BCAT2: variants seen among roughly 807,000 people sequenced by gnomAD.
BCAT2 encodes branched chain amino acid transaminase 2.
A neutral mutation model predicts 52.9 loss-of-function variants in BCAT2; 44 were observed. The ratio of observed to expected loss-of-function variants is 0.83; its 90% CI spans 0.65 to 1.07. The LOEUF is 1.07. Ranked by LOEUF, BCAT2 falls within the 50% of genes least tolerant of loss-of-function variation. The probability of loss-of-function intolerance (pLI) is 0.00; values close to 1 mark genes in which losing one functional copy is unlikely to be tolerated. For synonymous variants in BCAT2, 215 were observed against 217.1 expected (o/e 0.99, Z 0.08); for missense variants, 478 against 521.8 (o/e 0.92, Z 0.82).
At chr19:48,798,408 C>T (rs572707645) in intron 6 of BCAT2, among the ~76,000 whole-genome samples, 2 of 152,196 alleles carry the variant, frequency 1.3e-5, no homozygotes, top group African/African-American at 4.8e-5. Flanking sequence ...AGCCTCCTTC[C>T]GGCATTCCAG....
intron 2 of BCAT2, 122 bp downstream of exon 2, chr19:48,806,878 G>A (rs939570179): frequency 2.8e-5 from 39 of 1,403,654 alleles, no homozygotes; most frequent in Non-Finnish European, 3.5e-5. Context: ...CGGCCCAATG[G>A]CAGGCTGTTA....
In BCAT2 at chr19:48,796,651, C is replaced by G. The variant is rs374377249; in HGVS notation, c.992G>C (p.Arg331Pro). The G allele has an allele frequency of 3.5e-5, 56 of 1,613,710 alleles. No individual in the cohort carries two copies. The highest frequency in any genetic ancestry group is 4.3e-5 in the Non-Finnish European group (51 of 1,180,018). The change falls in exon 9 of 11, where the codon CGC becomes CCC. Residue 331 changes from arginine to proline, a missense_variant. Coordinates refer to ENST00000316273, the MANE Select transcript of BCAT2 (RefSeq NM_001190.4). The stretch of plus-strand genomic sequence containing the variant: ...GCCCGAGCCAAAGACTTCCCGCACG[C>G]GGCCCTCCTCCAGGGCCCGCAGCAA... ...KQLLRALEEGRVREVFGSGTA... is the reference protein window; with the variant it reads ...KQLLRALEEGPVREVFGSGTA...
At chr19:48,810,040 A>G (rs1354198802) in intron 1 of BCAT2, among the ~76,000 whole-genome samples, 1 of 152,162 alleles carries the variant, frequency 6.6e-6, no homozygotes, top group African/African-American at 2.4e-5. Context: ...GGTCCACATC[A>G]GTCCCAAGTG....
chr19:48,807,643 C>G lies in BCAT2; in HGVS notation c.25-569G>C, dbSNP rs2034821175. The G allele has an allele frequency of 1.1e-6, 1 of 873,524 alleles. No individual in the cohort carries two copies. The highest frequency in any genetic ancestry group is 1.2e-4 in the East Asian group (1 of 8,320). The allele number at this position is 873,524 out of a possible 1,614,324, so 54.1% of individuals were successfully genotyped here. A position where few individuals can be genotyped will look rare whatever the true frequency, so the allele number is the denominator to read the frequency against. ...TCCCTTACATCCAGGAGTACAGGCC[C>G]CACCCCTCCTCCCTCAGACCCAGGA... is the stretch of plus-strand genomic sequence containing the variant. On this transcript the variant is annotated intron_variant, in intron 1 of 10. Transcript: ENST00000316273. This position sits in a 1 kb window ranked among gnomAD's most constrained non-coding sequence, Gnocchi z 4.6.
At chr19:48,802,441 CTTTTT>C (rs35775607) in intron 3 of BCAT2, among the ~76,000 whole-genome samples, 5 of 87,032 alleles carry the variant, frequency 5.7e-5, no homozygotes, top group African/African-American at 1.4e-4. Context: ...TACTGGATTC[CTTTTT>C]TTTTTTTTTT....
Position 48,795,386 on chromosome 19 carries a change from G to C in BCAT2, c.*40C>G. Reference sequence around the variant, plus strand: ...AGGGAGGCGAGTGCTGGCGTGACGAGATGCTACGGGTCGGTGGATCTGGAG... The same window carrying C: ...AGGGAGGCGAGTGCTGGCGTGACGACATGCTACGGGTCGGTGGATCTGGAG... On this transcript the variant is annotated 3_prime_UTR_variant, in exon 11 of 11. Coordinates refer to ENST00000316273, the MANE Select transcript of BCAT2 (RefSeq NM_001190.4). 6.2e-7 allele frequency: 1 copy of C among 1,613,446 alleles called. No homozygotes were observed. Among genetic ancestry groups the C allele is most frequent in the Non-Finnish European group, 8.5e-7 (1 of 1,179,670 alleles).
At chr19:48,808,379 A>C in intron 1 of BCAT2, 18 of 491,798 alleles carry the variant, frequency 3.7e-5, no homozygotes, top group Non-Finnish European at 4.7e-5. Context: ...AAAAAGAAAC[A>C]CAGAAAGGGG....
chr19:48,795,603 C>T (rs758992879), intron 10 of BCAT2, 139 bp from the exon 11 acceptor site: 2 of 951,336 alleles, frequency 2.1e-6, no homozygotes, highest in South Asian at 1.5e-5. Context: ...CCAGAGGGCC[C>T]CAACAATGAT....
chr19:48,807,084 G>A lies in BCAT2; in HGVS notation c.25-10C>T. Reference sequence around the variant, plus strand: ...GCTTTCGTGCCCAGATCTGGGTGGAGAAAGAAGTGAGAGAGGGGGTGAGTG... The same window carrying A: ...GCTTTCGTGCCCAGATCTGGGTGGAAAAAGAAGTGAGAGAGGGGGTGAGTG... On this transcript the variant is annotated splice_polypyrimidine_tract_variant and intron_variant, in intron 1 of 10. Coordinates refer to ENST00000316273, the MANE Select transcript of BCAT2 (RefSeq NM_001190.4). This position sits in a 1 kb window ranked among gnomAD's most constrained non-coding sequence, Gnocchi z 4.6. 1 of 1,611,290 alleles carries A rather than the reference G, an allele frequency of 6.2e-7. No homozygotes were observed. Among genetic ancestry groups the A allele is most frequent in the Non-Finnish European group, 8.5e-7 (1 of 1,178,206 alleles).
chr19:48,807,318 G>A lies in BCAT2; in HGVS notation c.25-244C>T, dbSNP rs765131662. ...CCTCCATGCTGCGGCAAAGTCAAAC[G>A]CAAGCGCCTCCCACCCCAGAGACCT... On this transcript the variant is annotated intron_variant, in intron 1 of 10. Transcript: ENST00000316273. The surrounding 1 kb of genome is among the most constrained non-coding windows in gnomAD (Gnocchi z 4.6). 6.9e-6 allele frequency: 3 copies of A among 433,986 alleles called. No homozygotes were observed. The highest frequency in any genetic ancestry group is 1.2e-5 in the Non-Finnish European group (3 of 240,554). 26.9% of individuals were successfully genotyped at this position (433,986 alleles called of 1,614,324 possible).
Position 48,806,669 on chromosome 19 carries a change from C to T in BCAT2, c.148G>A (p.Gly50Ser). Residue 50 changes from glycine (G) to serine (S), a missense_variant, in exon 3 of 11, where the codon GGC (glycine) becomes AGC (serine). Gly to Ser is a moderately conservative substitution (Grantham distance 56). Transcript: ENST00000316273. Reference sequence around the variant, plus strand: ...CCAAACACCAGGGGCTCGCCGGGGCCAGGCTTCTTATGAGGCTTCTGTGTC... The same window carrying T: ...CCAAACACCAGGGGCTCGCCGGGGCTAGGCTTCTTATGAGGCTTCTGTGTC... ...EMTQKPHKKPGPGEPLVFGKT... is the reference protein window; with the variant it reads ...EMTQKPHKKPSPGEPLVFGKT... 1 of 1,614,070 alleles carries T rather than the reference C, an allele frequency of 6.2e-7. No homozygotes were observed. Among genetic ancestry groups the T allele is most frequent in the Non-Finnish European group, 8.5e-7 (1 of 1,180,048 alleles).
intron 1 of BCAT2, 27 bp downstream of exon 1, chr19:48,810,957 G>A: frequency 1.2e-6 from 2 of 1,606,092 alleles, no homozygotes; most frequent in African/African-American, 2.7e-5. Flanking sequence ...TTATTTCCCA[G>A]ACCCCGGCGC....
At chr19:48,797,468 T>C (rs1289293671) in intron 6 of BCAT2, 135 bp from the exon 7 acceptor site, 16 of 1,097,224 alleles carry the variant, frequency 1.5e-5, no homozygotes, top group Non-Finnish European at 1.7e-5. Flanking sequence ...TCCCCTGAGA[T>C]GGAATCCTTG....
In BCAT2 at chr19:48,799,473, C is replaced by T. The variant is rs1173520742; in HGVS notation, c.695+202G>A. 5 of 670,752 alleles carry T rather than the reference C, an allele frequency of 7.5e-6. No homozygotes were observed. The East Asian group carries it at 1.7e-4, about 22-fold the overall frequency. The allele number at this position is 670,752 out of a possible 1,614,324, so 41.6% of individuals were successfully genotyped here. On this transcript the variant is annotated intron_variant, in intron 6 of 10. Transcript: ENST00000316273. The surrounding 1 kb of genome is among the most constrained non-coding windows in gnomAD (Gnocchi z 5.5). The stretch of plus-strand genomic sequence containing the variant: ...CTTCCCATCTGTGAGCCTTTTTGTC[C>T]ATCTGAAAAATAATCCCCTCCTCCT...
chr19:48,799,624 G>GTC lies in BCAT2; in HGVS notation c.695+49_695+50dup. On this transcript the variant is annotated intron_variant, in intron 6 of 10. Transcript: ENST00000316273. The surrounding 1 kb of genome is among the most constrained non-coding windows in gnomAD (Gnocchi z 5.5). Reference sequence around the variant, plus strand: ...CGAAAGCACGCACGCTGGTCCCTGTGTCTCCAACGCCCAGTGCGCCAGTCG... The same window carrying GTC: ...CGAAAGCACGCACGCTGGTCCCTGTGTCTCTCCAACGCCCAGTGCGCCAGTCG... 5.3e-6 allele frequency: 8 copies of GTC among 1,501,730 alleles called. No homozygotes were observed. Among genetic ancestry groups the GTC allele is most frequent in the African/African-American group, 1.4e-5 (1 of 71,686 alleles). 93.0% of individuals were successfully genotyped at this position (1,501,730 alleles called of 1,614,324 possible).
At chr19:48,801,294 G>C (rs1419540320) in intron 3 of BCAT2, among the ~76,000 whole-genome samples, 2 of 151,328 alleles carry the variant, frequency 1.3e-5, no homozygotes, top group Admixed American at 6.6e-5. Context: ...ATGAATGGAA[G>C]ACAAGCAAAA....
intron 3 of BCAT2, among the ~76,000 whole-genome samples, chr19:48,800,558 C>T (rs559483026): frequency 6.6e-6 from 1 of 152,278 alleles, no homozygotes; most frequent in Non-Finnish European, 1.5e-5. Flanking sequence ...TCACTGTAAT[C>T]CCAGCACTTT....
At chr19:48,797,410 C>T (rs907776187) in intron 6 of BCAT2, 77 bp from the exon 7 acceptor site, 13 of 1,548,706 alleles carry the variant, frequency 8.4e-6, no homozygotes, top group Non-Finnish European at 1.1e-5. Flanking sequence ...GAGGCTCATC[C>T]TACTCTCTCC....
chr19:48,797,092 C>G (rs1244301571), intron 7 of BCAT2, 70 bp from the exon 8 acceptor site: 1 of 1,608,682 alleles, frequency 6.2e-7, no homozygotes, highest in Admixed American at 1.7e-5. Flanking sequence ...AGAGCCACCC[C>G]CTTCCCCCAT....
Sources: allele counts gnomAD v4.1 joint callset (sites outside exome capture counted in the v4.1 genomes callset), GRCh38; gene constraint gnomAD v4.1.1; non-coding constraint Gnocchi (gnomAD v3.1); transcripts MANE v1.5; gene names NCBI Gene and HGNC (gene_info 2026-07-23, HGNC 2026-07-21).